Variants in SORBS2 observed in about 807,000 individuals in gnomAD.
SORBS2 encodes the protein sorbin and SH3 domain containing 2.
In SORBS2, 46 loss-of-function variants were observed where a neutral mutation model predicts 97.7. The ratio of observed to expected loss-of-function variants is 0.47; its 90% CI spans 0.37 to 0.60. SORBS2 has a LOEUF of 0.60. Ranked by LOEUF, SORBS2 falls within the 20% of genes least tolerant of loss-of-function variation. SORBS2 has a pLI of 0.00. For missense variants in SORBS2, 1,316 were observed against 1,282.3 expected (o/e 1.03, Z -0.40); for synonymous variants, 476 against 473.4 (o/e 1.01, Z -0.07).
intron 1 of SORBS2, among the ~76,000 whole-genome samples, chr4:185,947,485 A>C (rs2099275078): frequency 6.6e-6 from 1 of 152,196 alleles, no homozygotes. Context: ...CTTAAAGGGC[A>C]AAAGTGAGGC....
intron 1 of SORBS2, among the ~76,000 whole-genome samples, chr4:185,922,516 T>C (rs1433768024): frequency 3.3e-5 from 5 of 152,240 alleles, no homozygotes; most frequent in Non-Finnish European, 7.3e-5. Flanking sequence ...TTTCAGGAAC[T>C]TTTCTCATTT....
In SORBS2 at chr4:185,724,216, G is replaced by T. The variant is rs369417046; in HGVS notation, c.-197-45394C>A. Among the ~76,000 whole-genome samples the T allele has an allele frequency of 3.9e-3, 591 of 150,660 alleles. 4 individuals are homozygous for T. Among genetic ancestry groups the T allele is most frequent in the African/African-American group, 8.0e-3 (328 of 41,170 alleles). ...TTTCTTTCAGTATTGGCTTTTTTTT[G>T]ATGATGTTTGGGTGTTTGGGGAGTG... is the stretch of plus-strand genomic sequence containing the variant. On this transcript the variant is annotated intron_variant, in intron 2 of 20. Coordinates refer to the SORBS2 transcript ENST00000284776.
rs1200565188 is a variant in SORBS2, at chr4:185,926,049, T to A, written c.-338+30147A>T. ...CTCGGAGGAGCCACACTACCCTTCC[T>A]GGAGTGCAGACAGCGAGGTGGAGAG... On this transcript the variant is annotated intron_variant, in intron 1 of 20. Coordinates refer to the SORBS2 transcript ENST00000284776. 2.0e-5 allele frequency among the ~76,000 whole-genome samples: 3 copies of A among 152,212 alleles called. No individual in the cohort carries two copies. The East Asian group carries it at 5.8e-4, about 29-fold the overall frequency.
Position 185,587,630 on chromosome 4 carries a change from C to G in SORBS2, c.3012G>C (p.Leu1004=), listed in dbSNP as rs768058639. Residue 1004 remains leucine, a synonymous_variant, in exon 15 of 15, where the codon CTG becomes CTC. Coordinates refer to ENST00000418609, the Ensembl canonical transcript of SORBS2. ...CTACAGAAGGAGGGAGCGCAATTCA[C>G]AGCCTCTTGACGTAGTTTCCGGGGA... The G allele has an allele frequency of 7.4e-6, 12 of 1,613,146 alleles. 1 individual carries two copies. The highest frequency in any genetic ancestry group is 6.7e-5 in the Admixed American group (4 of 59,888).
chr4:185,660,738 T>A (rs535691539), upstream of SORBS2, among the ~76,000 whole-genome samples: 4 of 152,032 alleles, frequency 2.6e-5, no homozygotes, highest in Admixed American at 1.3e-4. Flanking sequence ...GTGGTTCAAG[T>A]CCTGGGTTTT....
intron 1 of SORBS2, among the ~76,000 whole-genome samples, chr4:185,776,330 T>C (rs932466170): frequency 6.6e-6 from 1 of 152,162 alleles, no homozygotes; most frequent in Non-Finnish European, 1.5e-5. Flanking sequence ...AAGACTGAGA[T>C]CTCTTTCTAT....
intron 2 of SORBS2, among the ~76,000 whole-genome samples, chr4:185,739,383 G>T (rs1160462419): frequency 2.6e-5 from 4 of 152,170 alleles, no homozygotes; most frequent in Non-Finnish European, 5.9e-5. Flanking sequence ...ACCACCAAAG[G>T]CCTGGTGGAA....
intron 5 of SORBS2, 83 bp downstream of exon 8, chr4:185,662,021 C>T (rs1053933438): frequency 2.2e-5 from 34 of 1,513,684 alleles, no homozygotes; most frequent in Non-Finnish European, 3.0e-5. Context: ...TCCCGCCTCA[C>T]CTTGATGCCG....
chr4:185,751,172 T>TAAAAAAAAAAAAAAAAAAAAAAAAA lies in SORBS2; in HGVS notation c.-198+24054_-198+24055insTTTTTTTTTTTTTTTTTTTTTTTTT, dbSNP rs71593649. ...AAGGAATGCTCTTAGCTCTAAATACTAAAAAAAAAAAAAAAAAAAGAGAAA... is the reference window on the plus strand; with the variant it reads ...AAGGAATGCTCTTAGCTCTAAATACTAAAAAAAAAAAAAAAAAAAAAAAAAAAAAAAAAAAAAAAAAAAAGAGAAA... On this transcript the variant is annotated intron_variant, in intron 2 of 20. Coordinates refer to the SORBS2 transcript ENST00000284776. Among the ~76,000 whole-genome samples the TAAAAAAAAAAAAAAAAAAAAAAAAA allele has an allele frequency of 1.1e-3, 34 of 31,692 alleles. 3 individuals are homozygous for TAAAAAAAAAAAAAAAAAAAAAAAAA. Among genetic ancestry groups the TAAAAAAAAAAAAAAAAAAAAAAAAA allele is most frequent in the East Asian group, 6.8e-3 (10 of 1,478 alleles). 20.8% of individuals were successfully genotyped at this position (31,692 alleles called of 152,430 possible).
At chr4:185,650,368 G>C (rs2097292567) in intron 2 of SORBS2, among the ~76,000 whole-genome samples, 1 of 152,184 alleles carries the variant, frequency 6.6e-6, no homozygotes, top group African/African-American at 2.4e-5. Context: ...TCGGTGAGCA[G>C]GGCAAGAGGG....
intron 4 of SORBS2, chr4:185,677,062 GT>G: frequency 1.3e-6 from 2 of 1,551,544 alleles, no homozygotes; most frequent in South Asian, 2.4e-5. Flanking sequence ...TGCTGAAGAG[GT>G]ATCTTTGCAG....
At chr4:185,907,763 C>T (rs2099251886) in intron 1 of SORBS2, among the ~76,000 whole-genome samples, 1 of 152,140 alleles carries the variant, frequency 6.6e-6, no homozygotes, top group Non-Finnish European at 1.5e-5. Flanking sequence ...TCCCTCCTTC[C>T]CTCTCTCCTT....
At chr4:185,665,391 T>C (rs1242487000) in intron 4 of SORBS2, among the ~76,000 whole-genome samples, 1 of 152,202 alleles carries the variant, frequency 6.6e-6, no homozygotes, top group East Asian at 1.9e-4. Flanking sequence ...GGGTTAAAAT[T>C]TTTTGAAAAA....
intron 1 of SORBS2, among the ~76,000 whole-genome samples, chr4:185,804,205 C>T (rs2099143208): frequency 6.6e-6 from 1 of 152,174 alleles, no homozygotes; most frequent in Non-Finnish European, 1.5e-5. Context: ...CAGTTTTCTC[C>T]TGATGAAAGT....
chr4:185,943,961 C>G (rs2099273328), intron 1 of SORBS2, among the ~76,000 whole-genome samples: 1 of 152,228 alleles, frequency 6.6e-6, no homozygotes, highest in South Asian at 2.1e-4. Context: ...ATTTGATGTA[C>G]TATTCTTTCA....
chr4:185,786,989 A>AG (rs1370694082), intron 1 of SORBS2, among the ~76,000 whole-genome samples: 1 of 151,020 alleles, frequency 6.6e-6, no homozygotes, highest in African/African-American at 2.4e-5. Context: ...TCAAAAAAAA[A>AG]AAAAAATAGC....
chr4:185,868,590 C>A (rs549226430), intron 1 of SORBS2, among the ~76,000 whole-genome samples: 1 of 152,120 alleles, frequency 6.6e-6, no homozygotes, highest in African/African-American at 2.4e-5. Context: ...ATTGCCTCAC[C>A]ACTATTTAAT....
chr4:185,699,926 A>G (rs57647954), intron 2 of SORBS2, among the ~76,000 whole-genome samples: 23,550 of 152,170 alleles, frequency 0.15, 4,178 homozygotes, highest in African/African-American at 0.42. Context: ...ACAAGTGTTA[A>G]GCAGAATCAT....
chr4:185,837,806 C>T (rs2099208963), intron 1 of SORBS2, among the ~76,000 whole-genome samples: 1 of 151,350 alleles, frequency 6.6e-6, no homozygotes. Context: ...TACTCTAAGA[C>T]TATACAGACT....
Sources: gnomAD v4.1 joint callset for allele counts (sites outside exome capture counted in the v4.1 genomes callset) on GRCh38, gnomAD v4.1.1 for gene constraint, MANE v1.5 for transcripts, NCBI Gene and HGNC (gene_info 2026-07-23, HGNC 2026-07-21) for gene names.